Variants in EXOC6 observed in about 807,000 individuals in gnomAD.
EXOC6 encodes SEC15-like 1.
Under a neutral mutation model 112.5 loss-of-function variants are expected in EXOC6, and 60 were observed. The ratio of observed to expected loss-of-function variants is 0.53; its 90% CI spans 0.43 to 0.66. The LOEUF is 0.66. Among genes scored for constraint, EXOC6 ranks in the 30% least tolerant of loss-of-function variants. The pLI is 0.00. For missense variants in EXOC6, 855 were observed against 957.1 expected (o/e 0.89, Z 1.41); for synonymous variants, 295 against 308.0 (o/e 0.96, Z 0.44).
Position 92,952,261 on chromosome 10 carries a change from C to CT in EXOC6, c.1417-7dup. On this transcript the variant is annotated splice_polypyrimidine_tract_variant and intron_variant, in intron 14 of 21. Coordinates refer to ENST00000260762, the MANE Select transcript of EXOC6 (RefSeq NM_019053.6). Reference sequence around the variant, plus strand: ...AAATTTCAAAAACAATATTAACTTTCTTTTTCTACAGCAGTCTTTCCCAAA... The same window carrying CT: ...AAATTTCAAAAACAATATTAACTTTCTTTTTTCTACAGCAGTCTTTCCCAAA... 5 of 1,520,786 alleles carry CT rather than the reference C, an allele frequency of 3.3e-6. No individual in the cohort carries two copies. The highest frequency in any genetic ancestry group is 4.5e-6 in the Non-Finnish European group (5 of 1,108,088). 94.2% of individuals were successfully genotyped at this position (1,520,786 alleles called of 1,614,324 possible).
intron 12 of EXOC6, 21 bp downstream of exon 12, chr10:92,935,906 T>G (rs766991905): frequency 6.9e-7 from 1 of 1,441,338 alleles, no homozygotes; most frequent in South Asian, 1.2e-5. Context: ...ACCTAACAAT[T>G]AATGGTTATT....
At chr10:93,054,673 T>G (rs1010940889) in intron 20 of EXOC6, among the ~76,000 whole-genome samples, 2 of 152,066 alleles carry the variant, frequency 1.3e-5, no homozygotes, top group African/African-American at 4.8e-5. Context: ...TTGGTGCGGG[T>G]TTTTCATTCA....
chr10:92,947,967 T>TTA (rs200880541), intron 13 of EXOC6, among the ~76,000 whole-genome samples: 1,616 of 152,232 alleles, frequency 0.011, 32 homozygotes, highest in African/African-American at 0.037. Flanking sequence ...CCTTTTTTAG[T>TTA]TACAGATAAT....
At chr10:92,912,804 G>A (rs1423331249) in intron 6 of EXOC6, among the ~76,000 whole-genome samples, 1 of 152,136 alleles carries the variant, frequency 6.6e-6, no homozygotes, top group Non-Finnish European at 1.5e-5. Flanking sequence ...TAACCCTAAA[G>A]GGGCCTAGAA....
chr10:92,978,446 T>A (rs988072018), intron 18 of EXOC6, among the ~76,000 whole-genome samples: 1 of 151,996 alleles, frequency 6.6e-6, no homozygotes, highest in Non-Finnish European at 1.5e-5. Context: ...CTAACAACAA[T>A]ATATTGTTAT....
chr10:93,052,407 T>C (rs766512338), intron 20 of EXOC6, among the ~76,000 whole-genome samples: 1 of 152,220 alleles, frequency 6.6e-6, no homozygotes, highest in African/African-American at 2.4e-5. Flanking sequence ...TTTGAGCATA[T>C]AAATGGGACC....
intron 1 of EXOC6, among the ~76,000 whole-genome samples, chr10:92,841,478 C>T (rs570210371): frequency 3.9e-5 from 6 of 152,090 alleles, no homozygotes; most frequent in African/African-American, 1.2e-4. Context: ...AATAGTATAG[C>T]GTTCTACATA....
chr10:92,934,329 C>A lies in EXOC6; in HGVS notation c.1039C>A (p.His347Asn). The change falls in exon 11 of 22, where the codon CAC becomes AAC. Residue 347 changes from histidine (H) to asparagine (N), a missense_variant. This residue lies in a region of EXOC6 where 450 missense variants were observed against 563.5 expected (regional missense o/e 0.80). Coordinates refer to ENST00000260762, the MANE Select transcript of EXOC6 (RefSeq NM_019053.6). ...QIVGFFVVEDHILHVTQGLVT... is the reference protein window; with the variant it reads ...QIVGFFVVEDNILHVTQGLVT... ...TTTTAGGTTCTTTGTGGTAGAAGAT[C>A]ACATTTTACATGTGACCCAAGGATT... The A allele has an allele frequency of 1.3e-6, 2 of 1,583,368 alleles. No individual in the cohort carries two copies. The highest frequency in any genetic ancestry group is 1.7e-6 in the Non-Finnish European group (2 of 1,170,076).
At position 92,920,050 on chromosome 10, in the gene EXOC6, G is replaced by T; in HGVS notation, c.888G>T (p.Leu296Phe). 6.9e-6 allele frequency: 11 copies of T among 1,583,678 alleles called. No homozygotes were observed. The highest frequency in any genetic ancestry group is 9.5e-6 in the Non-Finnish European group (11 of 1,158,086). ...VYRCLHIYSV[L>F]GDEETFENYY... Reference sequence around the variant, plus strand: ...GATGTTTGCACATTTATTCTGTTTTGGTAAGTATGTTTTATATTTATGTAT... The same window carrying T: ...GATGTTTGCACATTTATTCTGTTTTTGTAAGTATGTTTTATATTTATGTAT... The change falls in exon 8 of 22, where the codon TTG becomes TTT. Residue 296 changes from leucine to phenylalanine, a missense_variant and splice_region_variant. This residue lies in a region of EXOC6 where 405 missense variants were observed against 393.6 expected (regional missense o/e 1.03). Transcript: ENST00000260762.
At chr10:92,919,434 A>AT (rs528409604) in intron 7 of EXOC6, among the ~76,000 whole-genome samples, 36 of 151,492 alleles carry the variant, frequency 2.4e-4, no homozygotes, top group Non-Finnish European at 3.2e-4. Flanking sequence ...ATTGTAAGGC[A>AT]TTTTTTTTTC....
chr10:92,854,186 TCCCAA>T (rs1166349644), intron 1 of EXOC6, among the ~76,000 whole-genome samples: 1 of 152,064 alleles, frequency 6.6e-6, no homozygotes, highest in Admixed American at 6.6e-5. Context: ...ACACCTGTAA[TCCCAA>T]CACTTTGGGA....
chr10:92,894,995 A>G lies in EXOC6; in HGVS notation c.387A>G (p.Val129=), dbSNP rs374973254. 282 of 1,610,930 alleles carry G rather than the reference A, an allele frequency of 1.8e-4. 1 individual carries two copies. In the Middle Eastern group the frequency reaches 1.8e-3, roughly 10 times the overall value. ...RIQQRNITTV[V]EKLQLCLPVL... The stretch of plus-strand genomic sequence containing the variant: ...AGCAGAGAAATATTACAACTGTAGT[A>G]GAAAAATTGCAGTTATGCCTTCCTG... Residue 129 remains valine (V), a synonymous_variant, in exon 4 of 22, where the codon GTA becomes GTG. Transcript: ENST00000260762.
chr10:92,877,909 T>C (rs553046327), intron 1 of EXOC6, among the ~76,000 whole-genome samples: 1 of 152,360 alleles, frequency 6.6e-6, no homozygotes, highest in South Asian at 2.1e-4. Context: ...GCATAGATAA[T>C]GCAGATAGTT....
intron 20 of EXOC6, among the ~76,000 whole-genome samples, chr10:93,051,976 C>T (rs191919109): frequency 2.6e-5 from 4 of 152,238 alleles, no homozygotes; most frequent in African/African-American, 9.6e-5. Flanking sequence ...TGAGGTTGAC[C>T]CTGAGCCCCC....
In EXOC6 at chr10:92,997,623, C is replaced by A; in HGVS notation, c.2095+8C>A. 1 of 1,594,146 alleles carries A rather than the reference C, an allele frequency of 6.3e-7. No individual in the cohort carries two copies. Among genetic ancestry groups the A allele is most frequent in the Non-Finnish European group, 8.5e-7 (1 of 1,169,890 alleles). On this transcript the variant is annotated splice_region_variant and intron_variant, in intron 19 of 21. Transcript: ENST00000260762. ...ATGTCATACAGTGTGAATGTAAGTA[C>A]TATATTGGTTTATTCTTATGTATTA...
At chr10:92,945,234 T>C (rs1021722677) in intron 13 of EXOC6, among the ~76,000 whole-genome samples, 2 of 152,214 alleles carry the variant, frequency 1.3e-5, no homozygotes, top group Non-Finnish European at 2.9e-5. Context: ...TTTTCTTCTA[T>C]TGAGTTGAGT....
At chr10:92,962,459 G>C (rs753257821) in intron 17 of EXOC6, among the ~76,000 whole-genome samples, 8 of 151,812 alleles carry the variant, frequency 5.3e-5, no homozygotes, top group Non-Finnish European at 1.2e-4. Context: ...ACTTGATCCT[G>C]GCTTACTGCA....
rs569674088 is a variant in EXOC6, at chr10:92,954,634, A to G, written c.1531A>G (p.Thr511Ala). 4 of 1,565,680 alleles carry G rather than the reference A, an allele frequency of 2.6e-6. No homozygotes were observed. The highest frequency in any genetic ancestry group is 2.3e-5 in the South Asian group (2 of 87,710). ...AATATCAATCTTTGTTTTTAGCTCA[A>G]CAGAAATAGACGATATGCTTAGAAA... is the stretch of plus-strand genomic sequence containing the variant. ...KFSESLHRSS[T>A]EIDDMLRKST... The change falls in exon 16 of 22, where the codon ACA becomes GCA. Residue 511 changes from threonine to alanine, a missense_variant. Thr to Ala is a moderately conservative substitution (Grantham distance 58). This residue lies in a region of EXOC6 where 450 missense variants were observed against 563.5 expected (regional missense o/e 0.80). Transcript: ENST00000260762.
intron 18 of EXOC6, among the ~76,000 whole-genome samples, chr10:92,976,086 C>T (rs1464767940): frequency 2.0e-5 from 3 of 150,816 alleles, no homozygotes; most frequent in Non-Finnish European, 4.4e-5. Flanking sequence ...GCCGCCCCGC[C>T]CGGGAGGTGA....
Sources: allele counts gnomAD v4.1 joint callset (sites outside exome capture counted in the v4.1 genomes callset), GRCh38; gene constraint gnomAD v4.1.1; regional missense constraint gnomAD v4.1.1; transcripts MANE v1.5; gene names NCBI Gene and HGNC (gene_info 2026-07-23, HGNC 2026-07-21).